MLLT3: variants seen among roughly 807,000 people sequenced by gnomAD.
The protein encoded by MLLT3 is MLLT3 super elongation complex subunit.
Under a neutral mutation model 53.2 loss-of-function variants are expected in MLLT3, and 4 were observed. The ratio of observed to expected loss-of-function variants is 0.08; its 90% CI spans 0.04 to 0.17. MLLT3 has a LOEUF of 0.17. Among genes scored for constraint, MLLT3 ranks in the 10% least tolerant of loss-of-function variants. The pLI is 1.00. For synonymous variants in MLLT3, 283 were observed against 230.6 expected (o/e 1.23, Z -2.06); for missense variants, 569 against 684.0 (o/e 0.83, Z 1.87).
chr9:20,414,561 C>T, intron 4 of MLLT3, 136 bp from the exon 5 acceptor site: 1 of 1,284,366 alleles, frequency 7.8e-7, no homozygotes, highest in Non-Finnish European at 1.1e-6. Flanking sequence ...TTAATATAAA[C>T]CAAAAACCAC....
chr9:20,544,458 A>T (rs1321937973), intron 2 of MLLT3, among the ~76,000 whole-genome samples: 1 of 152,240 alleles, frequency 6.6e-6, no homozygotes, highest in Non-Finnish European at 1.5e-5. Context: ...AAGAAAATAT[A>T]GAAATGGCCA....
intron 2 of MLLT3, among the ~76,000 whole-genome samples, chr9:20,507,742 G>GAAAAAA (rs72452530): frequency 3.5e-5 from 3 of 84,542 alleles, no homozygotes; most frequent in Admixed American, 2.5e-4. Context: ...TCCCAAAATG[G>GAAAAAA]AAAAAAAAAA....
intron 2 of MLLT3, among the ~76,000 whole-genome samples, chr9:20,601,785 C>CT (rs1820428681): frequency 6.6e-6 from 1 of 152,070 alleles, no homozygotes; most frequent in Non-Finnish European, 1.5e-5. Flanking sequence ...CAAAATATCC[C>CT]TTTAACTTTT....
At chr9:20,565,926 ATATATATATATT>A (rs1563820343) in intron 2 of MLLT3, among the ~76,000 whole-genome samples, 48 of 16,788 alleles carry the variant, frequency 2.9e-3, no homozygotes, top group Middle Eastern at 0.031. Context: ...ATATATTTAT[ATATATATATATT>A]TATATATATA....
intron 2 of MLLT3, among the ~76,000 whole-genome samples, chr9:20,607,185 C>T (rs900487991): frequency 3.6e-4 from 55 of 152,206 alleles, no homozygotes; most frequent in African/African-American, 1.3e-3. Flanking sequence ...ATTGCTCAAA[C>T]TCTCCACTCT....
intron 10 of MLLT3, among the ~76,000 whole-genome samples, chr9:20,353,219 G>A (rs1587143313): frequency 6.6e-6 from 1 of 152,084 alleles, no homozygotes; most frequent in African/African-American, 2.4e-5. Flanking sequence ...CATTTCTACT[G>A]TCCCCTCCCT....
chr9:20,507,207 T>C (rs1825404178), intron 2 of MLLT3, among the ~76,000 whole-genome samples: 1 of 150,860 alleles, frequency 6.6e-6, no homozygotes, highest in Non-Finnish European at 1.5e-5. Context: ...TGAATCCAGA[T>C]CAAGTTCCAC....
At chr9:20,370,547 G>A (rs1328941422) in intron 5 of MLLT3, among the ~76,000 whole-genome samples, 1 of 151,476 alleles carries the variant, frequency 6.6e-6, no homozygotes, top group African/African-American at 2.4e-5. Flanking sequence ...TTTCGCTCTT[G>A]TTGCCTAGGC....
At chr9:20,591,692 G>A (rs1350223349) in intron 2 of MLLT3, among the ~76,000 whole-genome samples, 1 of 152,128 alleles carries the variant, frequency 6.6e-6, no homozygotes, top group Non-Finnish European at 1.5e-5. Context: ...TCTTGAATAT[G>A]AAATATTTCA....
chr9:20,594,166 C>G (rs1489396412), intron 2 of MLLT3, among the ~76,000 whole-genome samples: 1 of 152,082 alleles, frequency 6.6e-6, no homozygotes, highest in African/African-American at 2.4e-5. Context: ...GTCTCGAACT[C>G]CTGACCTCAA....
At chr9:20,544,732 G>GTA (rs1184554175) in intron 2 of MLLT3, among the ~76,000 whole-genome samples, 1 of 152,110 alleles carries the variant, frequency 6.6e-6, no homozygotes, top group Non-Finnish European at 1.5e-5. Context: ...CCATTTCTGG[G>GTA]TATATATCCA....
At chr9:20,570,252 A>G (rs1819496662) in intron 2 of MLLT3, among the ~76,000 whole-genome samples, 8 of 152,192 alleles carry the variant, frequency 5.3e-5, no homozygotes, top group Admixed American at 5.2e-4. Flanking sequence ...TGTTTTATTT[A>G]TACAGTGACA....
At chr9:20,408,631 C>G (rs1183512619) in intron 5 of MLLT3, among the ~76,000 whole-genome samples, 4 of 152,182 alleles carry the variant, frequency 2.6e-5, no homozygotes, top group African/African-American at 9.6e-5. Context: ...TCTCCAGCTG[C>G]TCCCTCACCA....
At chr9:20,457,035 T>C (rs1229216293) in intron 2 of MLLT3, among the ~76,000 whole-genome samples, 1 of 152,084 alleles carries the variant, frequency 6.6e-6, no homozygotes, top group Non-Finnish European at 1.5e-5. Flanking sequence ...CTCATCACAG[T>C]CAACCATGAT....
At chr9:20,402,415 TG>T (rs1350669306) in intron 5 of MLLT3, among the ~76,000 whole-genome samples, 1 of 152,202 alleles carries the variant, frequency 6.6e-6, no homozygotes, top group Non-Finnish European at 1.5e-5. Flanking sequence ...GTCTGAAGGA[TG>T]ACTCATTATA....
intron 2 of MLLT3, among the ~76,000 whole-genome samples, chr9:20,546,545 TAAA>T (rs34702803): frequency 1.6e-3 from 230 of 145,368 alleles, no homozygotes; most frequent in Middle Eastern, 3.5e-3. Context: ...ACCTATCACT[TAAA>T]AAAAAAAAAA....
chr9:20,596,462 G>T (rs1399483355), intron 2 of MLLT3, among the ~76,000 whole-genome samples: 1 of 152,220 alleles, frequency 6.6e-6, no homozygotes, highest in African/African-American at 2.4e-5. Flanking sequence ...GGCCAAGGCA[G>T]GCGGATCACC....
intron 4 of MLLT3, among the ~76,000 whole-genome samples, chr9:20,427,239 G>A (rs1293552061): frequency 6.7e-6 from 1 of 149,646 alleles, no homozygotes; most frequent in African/African-American, 2.5e-5. Flanking sequence ...TCCAAAAAGC[G>A]ACCAAGCAAT....
rs1346144356 is a variant in MLLT3, at chr9:20,343,541, C to T, written c.*2902G>A. 3 of 229,402 alleles carry T rather than the reference C, an allele frequency of 1.3e-5. No homozygotes were observed. The highest frequency in any genetic ancestry group is 1.2e-4 in the East Asian group (2 of 16,132). 14.2% of individuals were successfully genotyped at this position (229,402 alleles called of 1,614,324 possible). The stretch of plus-strand genomic sequence containing the variant: ...AGAAGGAACCCCAAACCCACCAACA[C>T]ACATCCTGCTGCAAAACCAGAGGCA... On this transcript the variant is annotated 3_prime_UTR_variant, in exon 11 of 11. Transcript: ENST00000380338.
Sources: allele counts gnomAD v4.1 joint callset (sites outside exome capture counted in the v4.1 genomes callset), GRCh38; gene constraint gnomAD v4.1.1; transcripts MANE v1.5; gene names NCBI Gene and HGNC (gene_info 2026-07-23, HGNC 2026-07-21).